The following SPOCK3 variants were observed in gnomAD, a reference collection of about 807,000 sequenced individuals.
SPOCK3 encodes the protein SPARC (osteonectin), cwcv and kazal like domains proteoglycan 3, also known as testican-3.
Under a neutral mutation model 56.6 loss-of-function variants are expected in SPOCK3, and 30 were observed. The observed-to-expected ratio is 0.53, with a 90% CI of 0.40 to 0.72. The LOEUF (loss-of-function observed/expected upper bound fraction) is 0.72, where lower values mean the gene tolerates loss of function less well. Ranked by LOEUF, SPOCK3 falls within the 30% of genes least tolerant of loss-of-function variation. The probability of loss-of-function intolerance (pLI) is 0.00; values close to 1 mark genes in which losing one functional copy is unlikely to be tolerated. For missense variants in SPOCK3, 527 were observed against 530.0 expected, an observed-to-expected ratio of 0.99 and a Z score of 0.06; for synonymous variants, 196 against 183.3, an observed-to-expected ratio of 1.07 and a Z score of -0.56.
At chr4:167,160,584 G>A (rs1324183632) in intron 2 of SPOCK3, among the ~76,000 whole-genome samples, 1 of 151,820 alleles carries the variant, frequency 6.6e-6, no homozygotes, top group Non-Finnish European at 1.5e-5. Context: ...GCATCGCCAA[G>A]TAATCCTAAG....
intron 2 of SPOCK3, among the ~76,000 whole-genome samples, chr4:167,205,969 A>T (rs1734288079): frequency 6.6e-6 from 1 of 152,032 alleles, no homozygotes; most frequent in Admixed American, 6.6e-5. Flanking sequence ...AAATTTGTTG[A>T]AATAGTTTAG....
At chr4:167,086,254 C>T (rs1244792027) in intron 2 of SPOCK3, among the ~76,000 whole-genome samples, 2 of 151,902 alleles carry the variant, frequency 1.3e-5, no homozygotes, top group East Asian at 3.9e-4. Flanking sequence ...AATTTTAGTC[C>T]TTGTTTTGTT....
rs67108499 is a variant in SPOCK3, at chr4:167,046,450, C to CTTTTT, written c.235+16037_235+16041dup. On this transcript the variant is annotated intron_variant, in intron 3 of 10. Transcript: ENST00000357545. The stretch of plus-strand genomic sequence containing the variant: ...TTATCTTTTTTTTCTTTCTGATATT[C>CTTTTT]TTTTTTTTTTTTTTTTTTTTTTTTT... Among the ~76,000 whole-genome samples, 14 of 53,702 alleles carry CTTTTT rather than the reference C, an allele frequency of 2.6e-4. 1 individual carries two copies. The highest frequency in any genetic ancestry group is 4.8e-4 in the African/African-American group (6 of 12,586). The allele number at this position is 53,702 out of a possible 152,430, so 35.2% of individuals were successfully genotyped here.
At chr4:167,105,137 T>C (rs1759991979) in intron 2 of SPOCK3, among the ~76,000 whole-genome samples, 1 of 151,410 alleles carries the variant, frequency 6.6e-6, no homozygotes, top group Non-Finnish European at 1.5e-5. Flanking sequence ...GAAAAAAAAA[T>C]CACAGAATAT....
At chr4:167,026,429 A>G (rs1246045638) in intron 3 of SPOCK3, among the ~76,000 whole-genome samples, 1 of 152,018 alleles carries the variant, frequency 6.6e-6, no homozygotes, top group East Asian at 1.9e-4. Flanking sequence ...AGGAAGAAAA[A>G]CACTCTGCAA....
Position 167,190,244 on chromosome 4 carries a change from T to A in SPOCK3, c.189+43741A>T, listed in dbSNP as rs1390182623. ...TTAATTTCCAGTTCCACCAACAGTG[T>A]ATAAGGCTTCCCTTTTTGACACCCT... On this transcript the variant is annotated intron_variant, in intron 2 of 10. Coordinates refer to ENST00000357545, the MANE Select transcript of SPOCK3 (RefSeq NM_001040159.2). Among the ~76,000 whole-genome samples the A allele has an allele frequency of 2.1e-5, 3 of 145,978 alleles. 1 individual carries two copies. Among genetic ancestry groups the A allele is most frequent in the Non-Finnish European group, 3.0e-5 (2 of 66,778 alleles).
chr4:166,944,803 C>T (rs543661239), intron 4 of SPOCK3, among the ~76,000 whole-genome samples: 133 of 152,068 alleles, frequency 8.7e-4, no homozygotes, highest in Non-Finnish European at 1.5e-3. Flanking sequence ...GTATTCTTCA[C>T]TCTAAAGTTA....
chr4:167,197,622 A>G (rs1733084448), intron 2 of SPOCK3, among the ~76,000 whole-genome samples: 3 of 150,868 alleles, frequency 2.0e-5, no homozygotes, highest in Non-Finnish European at 2.9e-5. Flanking sequence ...AAAAAAAAAA[A>G]TCCCACAAAA....
At chr4:166,892,788 T>G (rs1206022287) in intron 5 of SPOCK3, among the ~76,000 whole-genome samples, 1 of 152,094 alleles carries the variant, frequency 6.6e-6, no homozygotes, top group East Asian at 1.9e-4. Context: ...CAGAATGATT[T>G]TGACACTAGT....
chr4:166,908,772 C>T (rs925369402), intron 5 of SPOCK3, among the ~76,000 whole-genome samples: 2 of 151,936 alleles, frequency 1.3e-5, no homozygotes, highest in Non-Finnish European at 2.9e-5. Flanking sequence ...CTTTACATAA[C>T]AAAGTGGGAA....
At chr4:166,774,053 T>C (rs993167125) in intron 7 of SPOCK3, among the ~76,000 whole-genome samples, 4 of 152,242 alleles carry the variant, frequency 2.6e-5, no homozygotes, top group Admixed American at 6.5e-5. Context: ...AAATATAAGA[T>C]AATTGGCATT....
intron 2 of SPOCK3, 37 bp downstream of exon 2, chr4:167,233,948 G>C: frequency 6.3e-7 from 1 of 1,582,788 alleles, no homozygotes; most frequent in Non-Finnish European, 8.7e-7. Context: ...GGAGCAGCGC[G>C]CGCGTGTGCC....
chr4:166,837,334 T>C (rs1746724715), intron 6 of SPOCK3, among the ~76,000 whole-genome samples: 1 of 152,110 alleles, frequency 6.6e-6, no homozygotes, highest in Non-Finnish European at 1.5e-5. Context: ...GGACTTGAGC[T>C]CTATTTTATT....
At chr4:166,825,717 C>T (rs2126776681) in intron 6 of SPOCK3, among the ~76,000 whole-genome samples, 1 of 152,114 alleles carries the variant, frequency 6.6e-6, no homozygotes, top group African/African-American at 2.4e-5. Flanking sequence ...GAATATGATT[C>T]AGCCATAAAA....
chr4:166,994,543 T>C (rs1350858481), intron 4 of SPOCK3, among the ~76,000 whole-genome samples: 1 of 152,140 alleles, frequency 6.6e-6, no homozygotes, highest in Non-Finnish European at 1.5e-5. Context: ...TAAAGCTACC[T>C]GGGCCAGATT....
intron 8 of SPOCK3, among the ~76,000 whole-genome samples, chr4:166,749,705 T>G (rs1483702900): frequency 2.6e-5 from 4 of 152,108 alleles, no homozygotes; most frequent in Non-Finnish European, 1.5e-5. Context: ...TCTTGTATAA[T>G]TAGTATATTG....
intron 2 of SPOCK3, among the ~76,000 whole-genome samples, chr4:167,092,483 T>C (rs188210056): frequency 1.4e-4 from 22 of 152,298 alleles, no homozygotes; most frequent in Non-Finnish European, 2.9e-4. Context: ...ATTGATCTGA[T>C]TTGATAAAAT....
intron 7 of SPOCK3, among the ~76,000 whole-genome samples, chr4:166,763,793 G>A (rs1579146221): frequency 6.6e-6 from 1 of 152,144 alleles, no homozygotes; most frequent in Admixed American, 6.6e-5. Flanking sequence ...GTAAAATATA[G>A]TTAATTAACT....
At chr4:167,165,784 A>C (rs916441778) in intron 2 of SPOCK3, among the ~76,000 whole-genome samples, 1 of 152,102 alleles carries the variant, frequency 6.6e-6, no homozygotes, top group Non-Finnish European at 1.5e-5. Context: ...ATTATAGATC[A>C]CACAATATTG....
Sources: gnomAD v4.1 joint callset for allele counts (sites outside exome capture counted in the v4.1 genomes callset) on GRCh38, gnomAD v4.1.1 for gene constraint, MANE v1.5 for transcripts, NCBI Gene and HGNC (gene_info 2026-07-23, HGNC 2026-07-21) for gene names.